The following QTGAL variants were observed in gnomAD, a reference collection of about 807,000 sequenced individuals.
QTGAL encodes BGnT-like protein 1.
the QTGAL span, among the ~76,000 whole-genome samples, chr17:83,050,873 T>C: frequency 6.9e-6 from 1 of 144,472 alleles, no homozygotes; most frequent in Non-Finnish European, 1.5e-5. Flanking sequence ...CGGGCAGGTA[T>C]GGGGCACGGG....
At chr17:83,005,588 T>C in the QTGAL span, 2 of 702,800 alleles carry the variant, frequency 2.8e-6, no homozygotes, top group Non-Finnish European at 5.2e-6. The surrounding 1 kb of genome is among the most constrained non-coding windows in gnomAD (Gnocchi z 5.6). Flanking sequence ...TTGAATCACA[T>C]GCAAAGTGGA....
At chr17:83,002,507 C>T in the QTGAL span, among the ~76,000 whole-genome samples, 2 of 152,214 alleles carry the variant, frequency 1.3e-5, no homozygotes, top group African/African-American at 4.8e-5. Flanking sequence ...CACCAGGACA[C>T]GCGCCCTCGG....
chr17:82,944,307 T>C, the QTGAL span: 1 of 152,186 alleles, frequency 6.6e-6, no homozygotes, highest in African/African-American at 2.4e-5. Context: ...GGGGCACTTG[T>C]GCTCACCAGA....
chr17:83,037,280 G>A, the QTGAL span, among the ~76,000 whole-genome samples: 1 of 152,188 alleles, frequency 6.6e-6, no homozygotes, highest in Admixed American at 6.5e-5. The surrounding 1 kb of genome is among the most constrained non-coding windows in gnomAD (Gnocchi z 5.2). Flanking sequence ...TTCCGGGGGG[G>A]CATCGAGCAA....
the QTGAL span, among the ~76,000 whole-genome samples, chr17:82,987,580 T>TA: frequency 6.6e-6 from 1 of 152,232 alleles, no homozygotes; most frequent in Admixed American, 6.5e-5. Flanking sequence ...ATGATGGTTG[T>TA]ATATGTGTGG....
chr17:82,961,319 G>A, the QTGAL span: 7 of 1,261,240 alleles, frequency 5.6e-6, no homozygotes, highest in Non-Finnish European at 6.5e-6. Context: ...CCGGTCTAGA[G>A]GCTCAACAGG....
the QTGAL span, among the ~76,000 whole-genome samples, chr17:82,964,834 G>A: frequency 1.2e-5 from 1 of 84,884 alleles, no homozygotes; most frequent in Non-Finnish European, 2.2e-5. Flanking sequence ...TGCACCCCAC[G>A]GGGAGGACGG....
the QTGAL span, chr17:83,006,999 G>T: frequency 2.5e-6 from 1 of 393,884 alleles, no homozygotes; most frequent in African/African-American, 2.2e-5. This position sits in a 1 kb window ranked among gnomAD's most constrained non-coding sequence, Gnocchi z 5.8. Flanking sequence ...GGGTGTCTCG[G>T]TTTTCATTCC....
chr17:83,009,120 T>C, the QTGAL span, among the ~76,000 whole-genome samples: 2 of 150,672 alleles, frequency 1.3e-5, no homozygotes, highest in African/African-American at 2.5e-5. Flanking sequence ...AAAACGTAAC[T>C]CAGGGCTGGA....
At chr17:83,022,262 CAT>C in the QTGAL span, among the ~76,000 whole-genome samples, 2 of 151,106 alleles carry the variant, frequency 1.3e-5, no homozygotes, top group Non-Finnish European at 3.0e-5. Flanking sequence ...TGTGAACTCA[CAT>C]GAGCTTAGCA....
chr17:83,038,151 G>C, the QTGAL span, among the ~76,000 whole-genome samples: 1 of 152,184 alleles, frequency 6.6e-6, no homozygotes, highest in African/African-American at 2.4e-5. Flanking sequence ...TTGGATCTAT[G>C]TTATCTAATA....
chr17:82,963,219 C>G, the QTGAL span, among the ~76,000 whole-genome samples: 1 of 152,146 alleles, frequency 6.6e-6, no homozygotes, highest in African/African-American at 2.4e-5. Context: ...CCAGGAAGGC[C>G]GGGCCAGAGG....
chr17:83,004,912 G>A, the QTGAL span, among the ~76,000 whole-genome samples: 3 of 152,222 alleles, frequency 2.0e-5, no homozygotes, highest in East Asian at 3.8e-4. Flanking sequence ...CTGAACTGCC[G>A]GCCTGAGACC....
chr17:82,972,770 C>T, the QTGAL span, among the ~76,000 whole-genome samples: 6 of 143,738 alleles, frequency 4.2e-5, no homozygotes, highest in Admixed American at 4.1e-4. Context: ...CTGACCACAC[C>T]ACACCACAGG....
the QTGAL span, among the ~76,000 whole-genome samples, chr17:83,002,536 A>G: frequency 1.8e-3 from 268 of 152,172 alleles, 9 homozygotes; most frequent in Admixed American, 0.017. Flanking sequence ...TCGTACAGGG[A>G]AGGGCTGTCA....
the QTGAL span, among the ~76,000 whole-genome samples, chr17:82,964,033 G>GGGC: frequency 3.3e-5 from 5 of 150,988 alleles, no homozygotes; most frequent in Admixed American, 1.3e-4. Context: ...GAGGTCGGGG[G>GGGC]GGTGGATTGC....
At chr17:82,958,055 G>A in the QTGAL span, among the ~76,000 whole-genome samples, 16 of 151,906 alleles carry the variant, frequency 1.1e-4, no homozygotes, top group Admixed American at 3.3e-4. Context: ...ATCGCTGCCC[G>A]GGCCCTTCCC....
At chr17:82,976,056 C>T in the QTGAL span, among the ~76,000 whole-genome samples, 1 of 96,078 alleles carries the variant, frequency 1.0e-5, no homozygotes, top group African/African-American at 6.1e-5. Flanking sequence ...TCCATCCTCC[C>T]AGGGGCTGGA....
At chr17:83,039,763 C>T in the QTGAL span, among the ~76,000 whole-genome samples, 2 of 152,330 alleles carry the variant, frequency 1.3e-5, no homozygotes, top group Admixed American at 6.5e-5. Context: ...GCCGTGGAGC[C>T]GACCCCACCA....
Sources: gnomAD v4.1 joint callset for allele counts (sites outside exome capture counted in the v4.1 genomes callset) on GRCh38, gnomAD v4.1.1 for gene constraint, Gnocchi (gnomAD v3.1) non-coding constraint, MANE v1.5 for transcripts, NCBI Gene and HGNC (gene_info 2026-07-23, HGNC 2026-07-21) for gene names.